The following GABRG3 variants were observed in gnomAD, a reference collection of about 807,000 sequenced individuals.
The protein encoded by GABRG3 is gamma-aminobutyric acid receptor subunit gamma-3.
GABRG3 carries 25 observed loss-of-function variants against 48.8 expected under a neutral mutation model. The ratio of observed to expected loss-of-function variants is 0.51; its 90% CI spans 0.37 to 0.72. GABRG3 has a LOEUF of 0.72. Among genes scored for constraint, GABRG3 ranks in the 30% least tolerant of loss-of-function variants. The pLI is 0.00. For synonymous variants in GABRG3, 227 were observed against 217.6 expected (o/e 1.04, Z -0.38); for missense variants, 394 against 577.9 (o/e 0.68, Z 3.26).
chr15:27,012,181 C>T (rs1416820156), intron 2 of GABRG3, among the ~76,000 whole-genome samples: 1 of 151,968 alleles, frequency 6.6e-6, no homozygotes, highest in African/African-American at 2.4e-5. Context: ...TTTGGGGGTA[C>T]AGAATTATAG....
intron 3 of GABRG3, among the ~76,000 whole-genome samples, chr15:27,080,972 C>A (rs1170846336): frequency 1.3e-5 from 2 of 152,146 alleles, no homozygotes; most frequent in Non-Finnish European, 2.9e-5. Context: ...GGGACAGAGA[C>A]CTCTCGGAGA....
intron 2 of GABRG3, among the ~76,000 whole-genome samples, chr15:26,980,394 T>G (rs1373586577): frequency 6.6e-6 from 1 of 152,154 alleles, no homozygotes; most frequent in Non-Finnish European, 1.5e-5. Context: ...TTAGATTCTT[T>G]TGGCCGGGTG....
intron 3 of GABRG3, among the ~76,000 whole-genome samples, chr15:27,277,064 T>C (rs1006605306): frequency 2.0e-4 from 30 of 152,306 alleles, no homozygotes; most frequent in African/African-American, 7.2e-4. Context: ...CAGAGTGAGA[T>C]AGAGGTCTGC....
At chr15:27,526,742 A>C (rs991629130) in intron 7 of GABRG3, among the ~76,000 whole-genome samples, 1 of 152,166 alleles carries the variant, frequency 6.6e-6, no homozygotes. Context: ...ACCAACATTG[A>C]GTATTACCAA....
At chr15:27,015,294 G>C (rs1486524292) in intron 2 of GABRG3, among the ~76,000 whole-genome samples, 1 of 150,576 alleles carries the variant, frequency 6.6e-6, no homozygotes, top group Admixed American at 6.6e-5. Context: ...AGGACTTACT[G>C]TTGCCATTTT....
At chr15:27,015,861 A>G (rs112554220) in intron 2 of GABRG3, among the ~76,000 whole-genome samples, 2,241 of 152,196 alleles carry the variant, frequency 0.015, 51 homozygotes, top group African/African-American at 0.049. Context: ...TTCTTGTTTC[A>G]TTCCATTGTG....
intron 3 of GABRG3, among the ~76,000 whole-genome samples, chr15:27,252,817 G>C (rs893929077): frequency 6.6e-6 from 1 of 152,294 alleles, no homozygotes; most frequent in Non-Finnish European, 1.5e-5. Context: ...GGAGGATTTT[G>C]TTATAAATAA....
Position 27,401,637 on chromosome 15 carries a change from C to T in GABRG3, c.574+72749C>T, listed in dbSNP as rs368369462. Among the ~76,000 whole-genome samples, 52 of 152,272 alleles carry T rather than the reference C, an allele frequency of 3.4e-4. No individual in the cohort carries two copies. In the South Asian group the frequency reaches 8.5e-3, roughly 25 times the overall value. The stretch of plus-strand genomic sequence containing the variant: ...TTTCATGTCTCCTTGTAAGTAACAC[C>T]AGGTTCACGTCTTGACCTTCTTCCA... On this transcript the variant is annotated intron_variant, in intron 5 of 9. Coordinates refer to ENST00000615808, the MANE Select transcript of GABRG3 (RefSeq NM_033223.5).
intron 2 of GABRG3, among the ~76,000 whole-genome samples, chr15:26,984,454 A>G (rs2140641078): frequency 6.6e-6 from 1 of 152,318 alleles, no homozygotes; most frequent in African/African-American, 2.4e-5. Flanking sequence ...TTTTCATAAT[A>G]CAAATTGTGA....
intron 3 of GABRG3, among the ~76,000 whole-genome samples, chr15:27,225,431 A>G (rs1375362676): frequency 1.3e-5 from 2 of 152,068 alleles, no homozygotes; most frequent in Admixed American, 6.5e-5. Flanking sequence ...TTTACTTACA[A>G]GGGTGGGCTG....
Position 27,313,262 on chromosome 15 carries a change from G to GTA in GABRG3, c.271-13500_271-13499dup, listed in dbSNP as rs1169926074. 6.8e-3 allele frequency among the ~76,000 whole-genome samples: 235 copies of GTA among 34,478 alleles called. 6 individuals are homozygous for GTA. Among genetic ancestry groups the GTA allele is most frequent in the African/African-American group, 0.011 (117 of 11,066 alleles). The allele number at this position is 34,478 out of a possible 152,430, so 22.6% of individuals were successfully genotyped here. On this transcript the variant is annotated intron_variant, in intron 3 of 9. Coordinates refer to ENST00000615808, the MANE Select transcript of GABRG3 (RefSeq NM_033223.5). ...TATATGTGTGTGTGTGTGTGTGTGT[G>GTA]TATATATATATATATATATATATAT...
intron 3 of GABRG3, among the ~76,000 whole-genome samples, chr15:27,191,268 C>A (rs1266864098): frequency 6.6e-6 from 1 of 152,106 alleles, no homozygotes; most frequent in African/African-American, 2.4e-5. Context: ...AGTTGAATTC[C>A]TGGGTATCCT....
intron 9 of GABRG3, among the ~76,000 whole-genome samples, chr15:27,530,110 A>T (rs1566881593): frequency 6.6e-6 from 1 of 151,884 alleles, no homozygotes; most frequent in Non-Finnish European, 1.5e-5. Context: ...AAAGAAGCAG[A>T]AATTGGCAGC....
chr15:27,201,137 TTAAAAA>T (rs983054666), intron 3 of GABRG3, among the ~76,000 whole-genome samples: 6 of 151,898 alleles, frequency 4.0e-5, no homozygotes, highest in Non-Finnish European at 7.4e-5. Flanking sequence ...CAAGAAGACT[TTAAAAA>T]TAAACCATTC....
intron 3 of GABRG3, among the ~76,000 whole-genome samples, chr15:27,100,830 G>T (rs1483472298): frequency 1.3e-5 from 2 of 152,180 alleles, no homozygotes; most frequent in African/African-American, 2.4e-5. Context: ...TACTCAGCTT[G>T]ATACTAAGCA....
chr15:27,343,155 G>A (rs1348396857), intron 5 of GABRG3, among the ~76,000 whole-genome samples: 2 of 152,138 alleles, frequency 1.3e-5, no homozygotes, highest in East Asian at 3.9e-4. Flanking sequence ...ACCATTCACA[G>A]TTGGAAACAC....
Position 27,081,777 on chromosome 15 carries a change from C to T in GABRG3, c.270+54956C>T, listed in dbSNP as rs934361450. 6.6e-5 allele frequency among the ~76,000 whole-genome samples: 10 copies of T among 152,282 alleles called. No homozygotes were observed. In the East Asian group the frequency reaches 1.5e-3, roughly 24 times the overall value. ...TGTGACTGAATCCAGCTGCTGTGGTCGACCCCGCTCCCCAGGAGACATACT... is the reference window on the plus strand; with the variant it reads ...TGTGACTGAATCCAGCTGCTGTGGTTGACCCCGCTCCCCAGGAGACATACT... On this transcript the variant is annotated intron_variant, in intron 3 of 9. Coordinates refer to ENST00000615808, the MANE Select transcript of GABRG3 (RefSeq NM_033223.5).
At chr15:27,468,961 G>A (rs897585160) in intron 5 of GABRG3, among the ~76,000 whole-genome samples, 2 of 152,238 alleles carry the variant, frequency 1.3e-5, no homozygotes, top group Non-Finnish European at 2.9e-5. Context: ...CATAGTGCAT[G>A]ATAAATTCTT....
At chr15:27,316,384 T>C (rs1173457960) in intron 3 of GABRG3, among the ~76,000 whole-genome samples, 2 of 104,620 alleles carry the variant, frequency 1.9e-5, no homozygotes, top group Non-Finnish European at 3.4e-5. Context: ...CGAGACTCCG[T>C]CTCAAAAAAA....
Sources: allele counts gnomAD v4.1 joint callset (sites outside exome capture counted in the v4.1 genomes callset), GRCh38; gene constraint gnomAD v4.1.1; transcripts MANE v1.5; gene names NCBI Gene and HGNC (gene_info 2026-07-23, HGNC 2026-07-21).